The following GLT1D1 variants were observed in gnomAD, a reference collection of about 807,000 sequenced individuals.
GLT1D1 encodes glycosyltransferase 1 domain-containing protein 1.
GLT1D1 carries 21 observed loss-of-function variants against 28.7 expected under a neutral mutation model. That is an observed-to-expected ratio of 0.73 (90% CI 0.52 to 1.05). The LOEUF is 1.05. GLT1D1 is among the 50% of genes least tolerant of loss of function. The pLI, the probability that GLT1D1 is intolerant of heterozygous loss-of-function variation, is 0.00. For synonymous variants in GLT1D1, 147 were observed against 124.8 expected (o/e 1.18, Z -1.19); for missense variants, 343 against 330.6 (o/e 1.04, Z -0.29).
In GLT1D1 at chr12:128,983,166, C is replaced by T. The variant is rs1222970528; in HGVS notation, c.*76C>T. 2.2e-5 allele frequency: 30 copies of T among 1,366,018 alleles called. No individual in the cohort carries two copies. The highest frequency in any genetic ancestry group is 2.5e-5 in the Non-Finnish European group (24 of 971,910). The allele number at this position is 1,366,018 out of a possible 1,614,324, so 84.6% of individuals were successfully genotyped here. ...CACTCAGAGACAGAGTTCTGGATCA[C>T]GTGGGCCCAGTGCAGTTCAAATAAA... On this transcript the variant is annotated 3_prime_UTR_variant, in exon 8 of 8. Transcript: ENST00000281703. The surrounding 1 kb of genome is among the most constrained non-coding windows in gnomAD (Gnocchi z 4.7).
In GLT1D1 at chr12:128,952,750, C is replaced by G. The variant is rs370138973; in HGVS notation, c.541-4795C>G. 4.2e-4 allele frequency among the ~76,000 whole-genome samples: 56 copies of G among 132,618 alleles called. 1 individual carries two copies. In the South Asian group the frequency reaches 0.014, roughly 32 times the overall value. The allele number at this position is 132,618 out of a possible 152,430, so 87.0% of individuals were successfully genotyped here. Reference sequence around the variant, plus strand: ...TCGGCCTCCCAAAGTTCTGGGATTACAGGTGTGAGCCACCGTGACTGGCTT... The same window carrying G: ...TCGGCCTCCCAAAGTTCTGGGATTAGAGGTGTGAGCCACCGTGACTGGCTT... On this transcript the variant is annotated intron_variant, in intron 6 of 7. Coordinates refer to ENST00000281703, the MANE Select transcript of GLT1D1 (RefSeq NM_144669.3).
intron 1 of GLT1D1, among the ~76,000 whole-genome samples, chr12:128,875,683 A>C (rs1250153851): frequency 6.6e-6 from 1 of 151,934 alleles, no homozygotes; most frequent in Non-Finnish European, 1.5e-5. Context: ...GTGTAGTCTC[A>C]GCTACTTGGG....
intron 1 of GLT1D1, among the ~76,000 whole-genome samples, chr12:128,855,513 G>C (rs1467813477): frequency 6.6e-6 from 1 of 152,000 alleles, no homozygotes; most frequent in African/African-American, 2.4e-5. Context: ...CTGCAGCGAA[G>C]TGACATTGCA....
chr12:128,886,319 G>A (rs953773206), intron 2 of GLT1D1, among the ~76,000 whole-genome samples: 6 of 152,150 alleles, frequency 3.9e-5, no homozygotes, highest in Non-Finnish European at 7.3e-5. Context: ...CACTGCTGCT[G>A]TAATAATTTA....
intron 1 of GLT1D1, among the ~76,000 whole-genome samples, chr12:128,870,179 G>A (rs757947043): frequency 6.6e-6 from 1 of 151,850 alleles, no homozygotes; most frequent in Admixed American, 6.6e-5. Context: ...TTGGGATTAC[G>A]GTCACTCCAG....
At chr12:128,890,316 G>A (rs579597) in intron 3 of GLT1D1, among the ~76,000 whole-genome samples, 62,592 of 151,912 alleles carry the variant, frequency 0.41, 13,110 homozygotes, top group Admixed American at 0.46. Flanking sequence ...TAGAATTGCT[G>A]ATAAAGGCCC....
At chr12:128,881,085 G>A (rs1428724574) in intron 2 of GLT1D1, among the ~76,000 whole-genome samples, 1 of 151,610 alleles carries the variant, frequency 6.6e-6, no homozygotes. Flanking sequence ...TTAGCCGGGC[G>A]TGTTGGCGGG....
At chr12:128,917,739 C>T (rs1002251213) in intron 4 of GLT1D1, among the ~76,000 whole-genome samples, 1 of 152,186 alleles carries the variant, frequency 6.6e-6, no homozygotes, top group Admixed American at 6.5e-5. Context: ...ATCCACTGAT[C>T]ATTAGAGAAA....
chr12:128,969,514 C>G (rs1052636435), intron 7 of GLT1D1, among the ~76,000 whole-genome samples: 1 of 152,118 alleles, frequency 6.6e-6, no homozygotes, highest in African/African-American at 2.4e-5. Flanking sequence ...GGGTGTGCAC[C>G]GAGCTGAGTG....
intron 4 of GLT1D1, chr12:128,907,070 T>C (rs2135871493): frequency 1.5e-6 from 1 of 656,090 alleles, no homozygotes. Flanking sequence ...TACTTATTAC[T>C]TCTCCCTCTT....
intron 1 of GLT1D1, among the ~76,000 whole-genome samples, chr12:128,862,102 G>T (rs925710297): frequency 6.6e-6 from 1 of 152,194 alleles, no homozygotes; most frequent in Non-Finnish European, 1.5e-5. Context: ...GCTGAGGCAG[G>T]CAGGTCACTT....
At chr12:128,933,147 G>A (rs888671127) in intron 4 of GLT1D1, among the ~76,000 whole-genome samples, 2 of 140,282 alleles carry the variant, frequency 1.4e-5, no homozygotes, top group Middle Eastern at 3.8e-3. Context: ...TTTTTAGGAC[G>A]TGGGGAAGCC....
At chr12:128,869,839 A>G (rs1247282811) in intron 1 of GLT1D1, among the ~76,000 whole-genome samples, 1 of 151,846 alleles carries the variant, frequency 6.6e-6, no homozygotes, top group Non-Finnish European at 1.5e-5. Context: ...CCTGATCTCA[A>G]TTGACATTTG....
intron 3 of GLT1D1, among the ~76,000 whole-genome samples, chr12:128,893,655 A>T (rs1254928398): frequency 1.3e-5 from 2 of 151,990 alleles, no homozygotes; most frequent in Non-Finnish European, 2.9e-5. Flanking sequence ...GTGCAGTCTG[A>T]GCTCACTGCA....
intron 1 of GLT1D1, among the ~76,000 whole-genome samples, chr12:128,863,640 A>G (rs1381684784): frequency 6.6e-6 from 1 of 152,084 alleles, no homozygotes; most frequent in Admixed American, 6.6e-5. Context: ...GGCCTTCCAA[A>G]GTGCTGGGAT....
At chr12:128,971,544 C>T (rs1343703312) in intron 7 of GLT1D1, among the ~76,000 whole-genome samples, 5 of 128,900 alleles carry the variant, frequency 3.9e-5, no homozygotes, top group Non-Finnish European at 8.2e-5. Flanking sequence ...CTCTCTCCTT[C>T]TCTCTCTTCC....
intron 7 of GLT1D1, among the ~76,000 whole-genome samples, chr12:128,968,228 C>T (rs1026554969): frequency 1.3e-5 from 2 of 151,838 alleles, no homozygotes; most frequent in African/African-American, 2.4e-5. Context: ...ATCTCCTGAC[C>T]TCGTGATCCG....
In GLT1D1 at chr12:128,928,202, C is replaced by G. The variant is rs77583766; in HGVS notation, c.376-17124C>G. 9.8e-3 allele frequency among the ~76,000 whole-genome samples: 1,488 copies of G among 152,072 alleles called. 34 individuals are homozygous for G. Among genetic ancestry groups the G allele is most frequent in the African/African-American group, 0.034 (1,405 of 41,478 alleles). On this transcript the variant is annotated intron_variant, in intron 4 of 7. Coordinates refer to ENST00000281703, the MANE Select transcript of GLT1D1 (RefSeq NM_144669.3). ...ACAAACTTGGCACGGTTCCTTCCAC[C>G]CAGCATCAGATGGCAGGTGACACCT...
At chr12:128,961,317 G>C (rs1367233568) in intron 7 of GLT1D1, among the ~76,000 whole-genome samples, 1 of 152,174 alleles carries the variant, frequency 6.6e-6, no homozygotes, top group Non-Finnish European at 1.5e-5. Context: ...AAGAATCAGG[G>C]TTGTGAATCC....
Sources: allele counts gnomAD v4.1 joint callset (sites outside exome capture counted in the v4.1 genomes callset), GRCh38; gene constraint gnomAD v4.1.1; non-coding constraint Gnocchi (gnomAD v3.1); transcripts MANE v1.5; gene names NCBI Gene and HGNC (gene_info 2026-07-23, HGNC 2026-07-21).